Variants in UGT1A4 observed in about 807,000 individuals in gnomAD.
UGT1A4 encodes the protein UDP glucuronosyltransferase family 1 member A4, also known as UDP-glucuronosyltransferase 1A4.
A neutral mutation model predicts 41.1 loss-of-function variants in UGT1A4; 32 were observed. The observed-to-expected ratio is 0.78, with a 90% confidence interval of 0.59 to 1.05. The LOEUF is 1.05. Among genes scored for constraint, UGT1A4 ranks in the 50% least tolerant of loss-of-function variants. UGT1A4 has a pLI of 0.00. For synonymous variants in UGT1A4, 283 were observed against 265.1 expected (o/e 1.07, Z -0.66); for missense variants, 748 against 677.4 (o/e 1.10, Z -1.16).
chr2:233,766,919 C>T, intron 1 of UGT1A4, 115 bp from the exon 2 acceptor site: 7 of 1,549,656 alleles, frequency 4.5e-6, no homozygotes, highest in Non-Finnish European at 6.1e-6. Context: ...CTATCTCAAA[C>T]ACGCATGCCT....
chr2:233,749,702 A>C lies in UGT1A4; in HGVS notation c.868-17332A>C, dbSNP rs7556792. On this transcript the variant is annotated intron_variant, in intron 1 of 4. Coordinates refer to ENST00000373409, the MANE Select transcript of UGT1A4 (RefSeq NM_007120.3). ...CAAGGACAGGATCTGGTGGGAGGTG[A>C]TTGGATCATGGGGGCAGTTTCGCAC... 9.0e-3 allele frequency among the ~76,000 whole-genome samples: 1,371 copies of C among 151,808 alleles called. 51 individuals carry two copies. The highest frequency in any genetic ancestry group is 0.032 in the African/African-American group (1,324 of 41,154).
At position 233,769,465 on chromosome 2, in the gene UGT1A4, G is replaced by A. The variant is rs34036745; in HGVS notation, c.1307+1026G>A. On this transcript the variant is annotated intron_variant, in intron 4 of 4. Coordinates refer to ENST00000373409, the MANE Select transcript of UGT1A4 (RefSeq NM_007120.3). The surrounding 1 kb of genome is among the most constrained non-coding windows in gnomAD (Gnocchi z 4.4). The stretch of plus-strand genomic sequence containing the variant: ...GGTGCACACGTGTGCATTCATATGC[G>A]TGTGTGTGTGTGTGCGTGTGTTTAT... The A allele has an allele frequency of 1.9e-4, 256 of 1,316,538 alleles. No homozygotes were observed. Among genetic ancestry groups the A allele is most frequent in the Non-Finnish European group, 2.3e-4 (217 of 963,564 alleles). The allele number at this position is 1,316,538 out of a possible 1,614,324, so 81.6% of individuals were successfully genotyped here.
At chr2:233,748,787 G>A (rs988744506) in intron 1 of UGT1A4, among the ~76,000 whole-genome samples, 5 of 151,380 alleles carry the variant, frequency 3.3e-5, no homozygotes, top group Admixed American at 2.6e-4. Flanking sequence ...CTTCTACTTG[G>A]AATGCTGAAA....
chr2:233,735,745 A>T lies in UGT1A4; in HGVS notation c.867+16058A>T, dbSNP rs1416726513. Among the ~76,000 whole-genome samples, 5 of 152,186 alleles carry T rather than the reference A, an allele frequency of 3.3e-5. No individual in the cohort carries two copies. The East Asian group carries it at 9.6e-4, about 29-fold the overall frequency. ...CTCAGCATTTGCTTGTCTATAAAGG[A>T]TTTTATTTCTCCTTCACTTATGAAG... On this transcript the variant is annotated intron_variant, in intron 1 of 4. Coordinates refer to ENST00000373409, the MANE Select transcript of UGT1A4 (RefSeq NM_007120.3).
intron 1 of UGT1A4, among the ~76,000 whole-genome samples, chr2:233,750,994 C>T (rs1482728432): frequency 6.6e-6 from 1 of 151,790 alleles, no homozygotes; most frequent in Non-Finnish European, 1.5e-5. Context: ...AGGCGGCCAC[C>T]ATCCTCCAGA....
intron 1 of UGT1A4, among the ~76,000 whole-genome samples, chr2:233,726,981 T>C (rs2077575489): frequency 6.6e-6 from 1 of 152,240 alleles, no homozygotes; most frequent in African/African-American, 2.4e-5. Context: ...TAGATTTTGA[T>C]GAGGTTCTTT....
chr2:233,741,753 A>G (rs1361803894), intron 1 of UGT1A4: 2 of 151,870 alleles, frequency 1.3e-5, no homozygotes, highest in African/African-American at 4.9e-5. Context: ...TTTGTTGGTT[A>G]ATGATGTGTT....
Position 233,744,055 on chromosome 2 carries a change from C to A in UGT1A4, c.868-22979C>A, listed in dbSNP as rs115067532. 2,270 of 645,232 alleles carry A rather than the reference C, an allele frequency of 3.5e-3. 102 individuals carry two copies. The African/African-American group carries it at 0.042, about 12-fold the overall frequency. 40.0% of individuals were successfully genotyped at this position (645,232 alleles called of 1,614,324 possible). A position where few individuals can be genotyped will look rare whatever the true frequency, so the allele number is the denominator to read the frequency against. ...TATGACGCAGCCACATCTCATTGGT[C>A]GAGGCCTATGAGCGCCTCGCATCCC... is the stretch of plus-strand genomic sequence containing the variant. On this transcript the variant is annotated intron_variant, in intron 1 of 4. Coordinates refer to ENST00000373409, the MANE Select transcript of UGT1A4 (RefSeq NM_007120.3).
At chr2:233,724,602 G>A (rs1229954806) in intron 1 of UGT1A4, among the ~76,000 whole-genome samples, 3 of 135,486 alleles carry the variant, frequency 2.2e-5, no homozygotes, top group Admixed American at 7.3e-5. Flanking sequence ...CAGACGATGG[G>A]CGGCCGGGCA....
Position 233,767,238 on chromosome 2 carries a change from AT to A in UGT1A4, c.999+75del. ...CTAATCCCAGACTTCCAGCTTCCAG[AT>A]TAATTCTCTTAATTGGAACCTTAGA... On this transcript the variant is annotated intron_variant, in intron 2 of 4. Transcript: ENST00000373409. The A allele has an allele frequency of 9.3e-6, 15 of 1,607,788 alleles. No individual in the cohort carries two copies. In the South Asian group the frequency reaches 1.6e-4, roughly 17 times the overall value.
intron 1 of UGT1A4, among the ~76,000 whole-genome samples, chr2:233,766,364 G>C (rs1381103193): frequency 6.6e-6 from 1 of 152,144 alleles, no homozygotes; most frequent in Non-Finnish European, 1.5e-5. Flanking sequence ...GTGCCTGTTG[G>C]TGAGTTCTTC....
chr2:233,729,753 A>C (rs1211638875), intron 1 of UGT1A4: 1 of 1,613,964 alleles, frequency 6.2e-7, no homozygotes, highest in Non-Finnish European at 8.5e-7. Flanking sequence ...CATTCATGCA[A>C]AGGGTCAAGA....
chr2:233,730,153 G>T (rs1158500294), intron 1 of UGT1A4, among the ~76,000 whole-genome samples: 1 of 152,204 alleles, frequency 6.6e-6, no homozygotes, highest in East Asian at 1.9e-4. Flanking sequence ...CTGTTAAGGG[G>T]TCTCTAGTAG....
chr2:233,746,059 C>T (rs188125843), intron 1 of UGT1A4, among the ~76,000 whole-genome samples: 12 of 151,720 alleles, frequency 7.9e-5, no homozygotes, highest in Admixed American at 2.0e-4. Flanking sequence ...GGGTCTAGAA[C>T]GAAAAGAGAA....
intron 1 of UGT1A4, among the ~76,000 whole-genome samples, chr2:233,723,239 T>C (rs1575545383): frequency 9.2e-6 from 1 of 108,622 alleles, no homozygotes; most frequent in African/African-American, 4.6e-5. Flanking sequence ...TGAGTTGGAG[T>C]CCTGCTGTCA....
chr2:233,755,791 C>G (rs1696023449), intron 1 of UGT1A4: 1 of 152,376 alleles, frequency 6.6e-6, no homozygotes, highest in Non-Finnish European at 1.5e-5. Flanking sequence ...ATCATATGTA[C>G]TGCATTAGAG....
intron 1 of UGT1A4, among the ~76,000 whole-genome samples, chr2:233,751,332 T>C (rs1042149461): frequency 1.3e-5 from 2 of 152,004 alleles, no homozygotes; most frequent in African/African-American, 4.8e-5. Flanking sequence ...CCATTGTGTC[T>C]TGGAAGTTAC....
intron 1 of UGT1A4, chr2:233,756,058 T>C (rs1696106057): frequency 6.6e-6 from 1 of 152,218 alleles, no homozygotes; most frequent in Admixed American, 6.5e-5. Context: ...CACTGTACAC[T>C]TGTGGGAGAA....
At chr2:233,722,110 C>T (rs2125686001) in intron 1 of UGT1A4, 2 of 193,306 alleles carry the variant, frequency 1.0e-5, no homozygotes, top group South Asian at 2.1e-4. Flanking sequence ...AGAGGAAGAG[C>T]TATCATCATC....
Sources: allele counts gnomAD v4.1 joint callset (sites outside exome capture counted in the v4.1 genomes callset), GRCh38; gene constraint gnomAD v4.1.1; non-coding constraint Gnocchi (gnomAD v3.1); transcripts MANE v1.5; gene names NCBI Gene and HGNC (gene_info 2026-07-23, HGNC 2026-07-21).